Variants in G3BP1 observed in about 807,000 individuals in gnomAD.
G3BP1 encodes the protein G3BP stress granule assembly factor 1.
In G3BP1, 35 loss-of-function variants were observed where a neutral mutation model predicts 58.6. That is an observed-to-expected ratio of 0.60 (90% CI 0.46 to 0.79). The LOEUF is 0.79. Ranked by LOEUF, G3BP1 falls within the 30% of genes least tolerant of loss-of-function variation. The pLI is 0.00. For missense variants in G3BP1, 523 were observed against 580.8 expected (o/e 0.90, Z 1.02); for synonymous variants, 191 against 195.4 (o/e 0.98, Z 0.19).
In G3BP1 at chr5:151,808,832, T is replaced by A. The variant is rs575576965; in HGVS notation, c.*4741T>A. The A allele has an allele frequency of 2.2e-4, 34 of 152,340 alleles. No individual in the cohort carries two copies. The highest frequency in any genetic ancestry group is 7.9e-4 in the African/African-American group (33 of 41,584). 9.4% of individuals were successfully genotyped at this position (152,340 alleles called of 1,614,324 possible). ...TTTTTGATAGTAATTAGATGGAAGA[T>A]TAAATCCTGTTTAACCTGGATAGAA... is the stretch of plus-strand genomic sequence containing the variant. On this transcript the variant is annotated 3_prime_UTR_variant, in exon 12 of 12. Coordinates refer to ENST00000356245, the MANE Select transcript of G3BP1 (RefSeq NM_005754.3).
At chr5:151,795,634 TC>T in intron 6 of G3BP1, 59 bp downstream of exon 6, 1 of 785,354 alleles carries the variant, frequency 1.3e-6, no homozygotes, top group East Asian at 2.5e-5. Flanking sequence ...GTCTAGTCTT[TC>T]CCTTTGTTGG....
rs138089692 is a variant in G3BP1 at position 151,779,381 on chromosome 5, A to G, written c.-49-7191A>G. ...GGTTTTTTTTTGTTTTTTCCATATG[A>G]TATCTAATTGTTTCAGTACCAGTTG... is the stretch of plus-strand genomic sequence containing the variant. On this transcript the variant is annotated intron_variant, in intron 1 of 11. Transcript: ENST00000356245. Among the ~76,000 whole-genome samples, 816 of 151,932 alleles carry G rather than the reference A, an allele frequency of 5.4e-3. 6 individuals are homozygous for G. The highest frequency in any genetic ancestry group is 0.03 in the South Asian group (143 of 4,814).
Position 151,800,296 on chromosome 5 carries a change from G to C in G3BP1, c.1034G>C (p.Gly345Ala). ...CCTGACAGTCACCAACTCTTCATTG[G>C]CAACCTGCCTCATGAAGTGGACAAA... ...RHPDSHQLFI[G>A]NLPHEVDKSE... The change falls in exon 10 of 12, where the codon GGC (glycine) becomes GCC (alanine). Residue 345 changes from glycine (G) to alanine (A), a missense_variant. Gly to Ala is a moderately conservative substitution (Grantham distance 60). Transcript: ENST00000356245. The C allele has an allele frequency of 6.2e-7, 1 of 1,612,926 alleles. No homozygotes were observed. The highest frequency in any genetic ancestry group is 8.5e-7 in the Non-Finnish European group (1 of 1,179,016).
At chr5:151,786,051 T>C (rs1386403853) in intron 1 of G3BP1, among the ~76,000 whole-genome samples, 1 of 152,236 alleles carries the variant, frequency 6.6e-6, no homozygotes, top group Non-Finnish European at 1.5e-5. Flanking sequence ...CCCAGCACTT[T>C]GGGAGGCTGA....
At position 151,800,757 on chromosome 5, in the gene G3BP1, C is replaced by T; in HGVS notation, c.1085-3C>T. On this transcript the variant is annotated splice_region_variant and splice_polypyrimidine_tract_variant and intron_variant, in intron 10 of 11. Transcript: ENST00000356245. Reference sequence around the variant, plus strand: ...GTTATCTGAGAATGTGTTTCACTTGCAGGTTATGGAAACGTGGTGGAGTTG... The same window carrying T: ...GTTATCTGAGAATGTGTTTCACTTGTAGGTTATGGAAACGTGGTGGAGTTG... 1 of 1,571,292 alleles carries T rather than the reference C, an allele frequency of 6.4e-7. No homozygotes were observed. Among genetic ancestry groups the T allele is most frequent in the Non-Finnish European group, 8.8e-7 (1 of 1,141,130 alleles).
intron 1 of G3BP1, among the ~76,000 whole-genome samples, chr5:151,774,225 T>G (rs1382758090): frequency 1.3e-5 from 2 of 152,208 alleles, no homozygotes; most frequent in Non-Finnish European, 2.9e-5. Context: ...AAGTAGACAG[T>G]TCTTTGTTTA....
chr5:151,785,011 G>A (rs1306771574), intron 1 of G3BP1, among the ~76,000 whole-genome samples: 2 of 152,208 alleles, frequency 1.3e-5, no homozygotes, highest in Non-Finnish European at 2.9e-5. Context: ...AAAGTAGAAT[G>A]TTTGGAAAAT....
Position 151,786,784 on chromosome 5 carries a change from C to T in G3BP1, c.95+69C>T, listed in dbSNP as rs1204030975. ...ATGTGGTACTTATCTTTGAGATTCT[C>T]CCACTCATCATCTTATGCTTTGTAG... On this transcript the variant is annotated intron_variant, in intron 2 of 11. Coordinates refer to ENST00000356245, the MANE Select transcript of G3BP1 (RefSeq NM_005754.3). 8.7e-6 allele frequency: 8 copies of T among 917,372 alleles called. No homozygotes were observed. In the African/African-American group the frequency reaches 1.1e-4, roughly 13 times the overall value. The allele number at this position is 917,372 out of a possible 1,614,324, so 56.8% of individuals were successfully genotyped here.
intron 11 of G3BP1, among the ~76,000 whole-genome samples, chr5:151,801,757 C>T (rs2347597): frequency 0.43 from 64,596 of 151,896 alleles, 13,909 homozygotes; most frequent in African/African-American, 0.48. Context: ...AATAAAAATA[C>T]TGCAGATCAG....
intron 1 of G3BP1, among the ~76,000 whole-genome samples, chr5:151,782,111 TA>T (rs1455552495): frequency 6.6e-6 from 1 of 152,168 alleles, no homozygotes; most frequent in Non-Finnish European, 1.5e-5. Flanking sequence ...TCTTTATAGT[TA>T]ATAATTTTGA....
chr5:151,811,218 C>A lies in G3BP1; in HGVS notation c.*7127C>A, dbSNP rs898328821. ...CAATGTTAGATTCATCTTACTGAAA[C>A]ATAGTTCTGACCATGTATTCCATGT... On this transcript the variant is annotated 3_prime_UTR_variant, in exon 12 of 12. Coordinates refer to ENST00000356245, the MANE Select transcript of G3BP1 (RefSeq NM_005754.3). 1 of 152,218 alleles carries A rather than the reference C, an allele frequency of 6.6e-6. No homozygotes were observed. Among genetic ancestry groups the A allele is most frequent in the African/African-American group, 2.4e-5 (1 of 41,458 alleles). The allele number at this position is 152,218 out of a possible 1,614,324, so 9.4% of individuals were successfully genotyped here.
chr5:151,790,110 CAAAAAAAA>C (rs759799755), intron 2 of G3BP1, among the ~76,000 whole-genome samples: 1 of 57,170 alleles, frequency 1.7e-5, no homozygotes, highest in Non-Finnish European at 3.9e-5. Flanking sequence ...TCAGCAAGAG[CAAAAAAAA>C]AAAAAAAAAA....
intron 1 of G3BP1, among the ~76,000 whole-genome samples, chr5:151,777,964 T>C (rs1472976548): frequency 6.6e-6 from 1 of 151,752 alleles, no homozygotes; most frequent in African/African-American, 2.4e-5. Context: ...TGTGTAGGCA[T>C]ATCACAATTT....
At position 151,790,303 on chromosome 5, in the gene G3BP1, A is replaced by G; in HGVS notation, c.96-20A>G. ...TAAGATACTTGAAGATGACAAGTAA[A>G]TCATCTTCCCATTTTACAGATTTTA... On this transcript the variant is annotated intron_variant, in intron 2 of 11. Coordinates refer to ENST00000356245, the MANE Select transcript of G3BP1 (RefSeq NM_005754.3). 7.6e-7 allele frequency: 1 copy of G among 1,319,490 alleles called. No individual in the cohort carries two copies. The highest frequency in any genetic ancestry group is 1.1e-6 in the Non-Finnish European group (1 of 936,260). The allele number at this position is 1,319,490 out of a possible 1,614,324, so 81.7% of individuals were successfully genotyped here.
In G3BP1 at chr5:151,797,386, A is replaced by G. The variant is rs1762772719; in HGVS notation, c.699A>G (p.Pro233=). The change falls in exon 7 of 12, where the codon CCA becomes CCG. Residue 233 remains proline (P), a synonymous_variant. Coordinates refer to ENST00000356245, the MANE Select transcript of G3BP1 (RefSeq NM_005754.3). ...AGGATGCTCAGAAGAGTTCTTCTCC[A>G]GCACCTGCAGACATAGCTCAGACAG... ...APEDAQKSSS[P]APADIAQTVQ... is the part of the protein sequence containing the mutation. 1.2e-6 allele frequency: 2 copies of G among 1,613,240 alleles called. No homozygotes were observed. The highest frequency in any genetic ancestry group is 3.3e-5 in the Admixed American group (2 of 60,004).
intron 11 of G3BP1, among the ~76,000 whole-genome samples, chr5:151,802,995 A>G (rs1278003787): frequency 6.6e-6 from 1 of 152,220 alleles, no homozygotes; most frequent in Non-Finnish European, 1.5e-5. Context: ...AAGTACTCTT[A>G]GATACTCATT....
intron 10 of G3BP1, 104 bp from the exon 11 acceptor site, chr5:151,800,656 C>A (rs1394371999): frequency 1.3e-6 from 1 of 748,644 alleles, no homozygotes; most frequent in Non-Finnish European, 2.4e-6. Context: ...AATTCAAGTG[C>A]TCAGTAGTCA....
At chr5:151,802,445 A>G (rs943399202) in intron 11 of G3BP1, among the ~76,000 whole-genome samples, 1 of 152,210 alleles carries the variant, frequency 6.6e-6, no homozygotes, top group South Asian at 2.1e-4. Flanking sequence ...GCCGTGGTGT[A>G]TGACATACTG....
chr5:151,794,744 C>G (rs1037301564), intron 5 of G3BP1, among the ~76,000 whole-genome samples: 4 of 152,208 alleles, frequency 2.6e-5, no homozygotes, highest in Non-Finnish European at 5.9e-5. Flanking sequence ...TGTGTAGACA[C>G]AGAGACTTAT....
Sources: gnomAD v4.1 joint callset for allele counts (sites outside exome capture counted in the v4.1 genomes callset) on GRCh38, gnomAD v4.1.1 for gene constraint, MANE v1.5 for transcripts, NCBI Gene and HGNC (gene_info 2026-07-23, HGNC 2026-07-21) for gene names.